ASH1L: variants seen among roughly 807,000 people sequenced by gnomAD.
The protein encoded by ASH1L is ASH1 like histone lysine methyltransferase, also known as histone-lysine N-methyltransferase ASH1L.
Under a neutral mutation model 269.0 loss-of-function variants are expected in ASH1L, and 23 were observed. The observed-to-expected ratio is 0.09, with a 90% CI of 0.06 to 0.12. ASH1L has a LOEUF of 0.12. Among genes scored for constraint, ASH1L ranks in the 10% least tolerant of loss-of-function variants. The pLI, the probability that ASH1L is intolerant of heterozygous loss-of-function variation, is 1.00. For missense variants in ASH1L, 2,912 were observed against 3,567.8 expected (o/e 0.82, Z 4.68); for synonymous variants, 1,187 against 1,253.5 (o/e 0.95, Z 1.12).
chr1:155,525,104 C>G (rs1669155027), intron 1 of ASH1L, among the ~76,000 whole-genome samples: 1 of 151,626 alleles, frequency 6.6e-6, no homozygotes, highest in Admixed American at 6.6e-5. Flanking sequence ...AAAATTAGCC[C>G]AGCATGGTGG....
chr1:155,401,505 G>A (rs939231323), intron 6 of ASH1L, among the ~76,000 whole-genome samples: 2 of 151,604 alleles, frequency 1.3e-5, no homozygotes, highest in South Asian at 4.2e-4. Flanking sequence ...AGATTGGTAG[G>A]GCACGGTGGC....
chr1:155,546,226 T>C (rs1432557297), intron 1 of ASH1L, among the ~76,000 whole-genome samples: 2 of 137,836 alleles, frequency 1.5e-5, no homozygotes, highest in Non-Finnish European at 1.5e-5. Flanking sequence ...AGCTACGTGG[T>C]AGGCTGAGGC....
At chr1:155,561,808 C>T (rs1487581598) in intron 1 of ASH1L, among the ~76,000 whole-genome samples, 1 of 150,926 alleles carries the variant, frequency 6.6e-6, no homozygotes, top group Non-Finnish European at 1.5e-5. Flanking sequence ...TGTCCTCGAC[C>T]ACTCTTATCC....
intron 1 of ASH1L, among the ~76,000 whole-genome samples, chr1:155,526,212 A>T (rs1406550339): frequency 6.6e-6 from 1 of 152,194 alleles, no homozygotes; most frequent in Non-Finnish European, 1.5e-5. Flanking sequence ...CCCAATAAAT[A>T]GCTGAATAAA....
chr1:155,542,384 T>C (rs2148891128), intron 1 of ASH1L, among the ~76,000 whole-genome samples: 1 of 151,850 alleles, frequency 6.6e-6, no homozygotes, highest in East Asian at 2.0e-4. Context: ...CCCATCTCTA[T>C]CAAAAATACA....
chr1:155,405,605 GAATC>G (rs942426156), intron 6 of ASH1L, among the ~76,000 whole-genome samples: 2 of 151,398 alleles, frequency 1.3e-5, no homozygotes, highest in Non-Finnish European at 2.9e-5. Context: ...CTAGGTGAGT[GAATC>G]ACCTGAGGTC....
In ASH1L at chr1:155,421,327, T is replaced by G. The variant is rs573298210; in HGVS notation, c.5829-5404A>C. 5.5e-4 allele frequency among the ~76,000 whole-genome samples: 81 copies of G among 147,736 alleles called. No homozygotes were observed. The East Asian group carries it at 0.015, about 27-fold the overall frequency. On this transcript the variant is annotated intron_variant, in intron 5 of 27. Coordinates refer to ENST00000392403, the MANE Select transcript of ASH1L (RefSeq NM_018489.3). ...TCTCAAGTACCAACAGTTTTTTTTT[T>G]TTTTTTTTTTTTTGAGAAAATGCCA...
intron 10 of ASH1L, among the ~76,000 whole-genome samples, chr1:155,376,936 T>C (rs1270297893): frequency 2.0e-5 from 3 of 150,870 alleles, no homozygotes; most frequent in Non-Finnish European, 4.4e-5. Flanking sequence ...AGATGGAGTT[T>C]CCCTCTTGTT....
intron 2 of ASH1L, among the ~76,000 whole-genome samples, chr1:155,514,544 A>G (rs1668377382): frequency 6.7e-6 from 1 of 149,758 alleles, no homozygotes; most frequent in Non-Finnish European, 1.5e-5. Context: ...CTTGCTGTTT[A>G]TTTTATATTT....
chr1:155,411,092 G>A (rs956477680), intron 6 of ASH1L, among the ~76,000 whole-genome samples: 6 of 152,202 alleles, frequency 3.9e-5, no homozygotes, highest in African/African-American at 1.2e-4. Context: ...TGGTGTAACA[G>A]TGGGCAGGTT....
intron 4 of ASH1L, among the ~76,000 whole-genome samples, chr1:155,458,950 CTCT>C (rs934336519): frequency 3.7e-5 from 5 of 134,818 alleles, no homozygotes; most frequent in Non-Finnish European, 8.4e-5. Context: ...ATCATCCTCT[CTCT>C]TTTTTTTTTT....
intron 1 of ASH1L, among the ~76,000 whole-genome samples, chr1:155,539,693 C>T (rs1670293160): frequency 6.6e-6 from 1 of 151,980 alleles, no homozygotes; most frequent in South Asian, 2.1e-4. Context: ...AACGATCTTC[C>T]AGCCTCGGCC....
chr1:155,506,002 C>A (rs942020021), intron 2 of ASH1L, among the ~76,000 whole-genome samples: 3 of 151,618 alleles, frequency 2.0e-5, no homozygotes, highest in Non-Finnish European at 4.4e-5. Context: ...CCCCACCCCA[C>A]GACAGGCCCC....
chr1:155,390,642 C>T (rs202139840), intron 7 of ASH1L, among the ~76,000 whole-genome samples: 13 of 138,692 alleles, frequency 9.4e-5, no homozygotes, highest in East Asian at 2.5e-4. Flanking sequence ...TCCCCCCCCC[C>T]CCTTTTTTCT....
chr1:155,372,383 A>C (rs1197580402), intron 10 of ASH1L, among the ~76,000 whole-genome samples: 3 of 151,586 alleles, frequency 2.0e-5, no homozygotes, highest in Non-Finnish European at 2.9e-5. Context: ...ATTTCAGCTC[A>C]CTACAACCTC....
At chr1:155,530,975 A>G (rs1181073401) in intron 1 of ASH1L, among the ~76,000 whole-genome samples, 1 of 151,928 alleles carries the variant, frequency 6.6e-6, no homozygotes, top group Non-Finnish European at 1.5e-5. Flanking sequence ...ACAGAGTGAC[A>G]CTCTGTCTCA....
chr1:155,368,997 A>G (rs1655684547), intron 12 of ASH1L, among the ~76,000 whole-genome samples: 2 of 152,342 alleles, frequency 1.3e-5, no homozygotes, highest in South Asian at 4.1e-4. Context: ...CATCTGTGGC[A>G]ATGGAAATCA....
rs1326496686 is a variant in ASH1L at position 155,535,189 on chromosome 1, A to T, written c.-99-13571T>A. ...GGGCAACAATAGTAAAACTCCATTT[A>T]AAAAAAAAAAAAAAAAGTAAAATCT... On this transcript the variant is annotated intron_variant, in intron 1 of 27. Transcript: ENST00000392403. 1.5e-4 allele frequency among the ~76,000 whole-genome samples: 20 copies of T among 134,482 alleles called. No individual in the cohort carries two copies. The East Asian group carries it at 2.8e-3, about 19-fold the overall frequency. The allele number at this position is 134,482 out of a possible 152,430, so 88.2% of individuals were successfully genotyped here.
chr1:155,342,212 C>T lies in ASH1L; in HGVS notation c.8294-110G>A, dbSNP rs542751250. On this transcript the variant is annotated intron_variant, in intron 24 of 27. Transcript: ENST00000392403. ...GAGCAGCTAGACCCTTAAAACCCTA[C>T]ATGGTAGCTATGTAGAGAGGCAGGA... 267 of 994,828 alleles carry T rather than the reference C, an allele frequency of 2.7e-4. No homozygotes were observed. In the African/African-American group the frequency reaches 3.4e-3, roughly 13 times the overall value. The allele number at this position is 994,828 out of a possible 1,614,324, so 61.6% of individuals were successfully genotyped here.
Sources: allele counts gnomAD v4.1 joint callset (sites outside exome capture counted in the v4.1 genomes callset), GRCh38; gene constraint gnomAD v4.1.1; transcripts MANE v1.5; gene names NCBI Gene and HGNC (gene_info 2026-07-23, HGNC 2026-07-21).